The following SAFB variants were observed in gnomAD, a reference collection of about 807,000 sequenced individuals.
The protein encoded by SAFB is scaffold attachment factor B, also known as scaffold attachment factor B1.
A neutral mutation model predicts 101.6 loss-of-function variants in SAFB; 15 were observed. That is an observed-to-expected ratio of 0.15 (90% CI 0.10 to 0.23). The LOEUF (loss-of-function observed/expected upper bound fraction) is 0.23. Among genes scored for constraint, SAFB ranks in the 10% least tolerant of loss-of-function variants. The pLI, the probability that SAFB is intolerant of heterozygous loss-of-function variation, is 1.00. For synonymous variants in SAFB, 449 were observed against 407.5 expected, an observed-to-expected ratio of 1.10 and a Z score of -1.23; for missense variants, 930 against 1,104.1, an observed-to-expected ratio of 0.84 and a Z score of 2.23.
At chr19:5,645,275 T>A in intron 4 of SAFB, 62 bp from the exon 5 acceptor site, 1 of 757,824 alleles carries the variant, frequency 1.3e-6, no homozygotes, top group Non-Finnish European at 2.4e-6. Flanking sequence ...ATTGTACAGA[T>A]GTACCATTAT....
chr19:5,648,784 G>C (rs965646633), intron 6 of SAFB: 1 of 698,638 alleles, frequency 1.4e-6, no homozygotes, highest in East Asian at 2.8e-5. Flanking sequence ...TTTCTCTTCC[G>C]TGTAGCGTAG....
At chr19:5,635,842 A>G (rs60156883) in intron 2 of SAFB, among the ~76,000 whole-genome samples, 8,372 of 152,112 alleles carry the variant, frequency 0.055, 483 homozygotes, top group African/African-American at 0.14. Flanking sequence ...AGAAGGATTC[A>G]AGGGGCACAT....
chr19:5,661,445 TCTTA>T (rs760831141), intron 14 of SAFB, 69 bp from the exon 15 acceptor site: 7 of 1,581,094 alleles, frequency 4.4e-6, no homozygotes, highest in East Asian at 4.5e-5. Context: ...CGACCCAGCG[TCTTA>T]CTTAAAGTCA....
chr19:5,624,025 G>A lies in SAFB; in HGVS notation c.189+631G>A, dbSNP rs1289666859. 3 of 152,256 alleles carry A rather than the reference G, an allele frequency of 2.0e-5. No homozygotes were observed. The East Asian group carries it at 5.8e-4, about 29-fold the overall frequency. 9.4% of individuals were successfully genotyped at this position (152,256 alleles called of 1,614,324 possible). A position where few individuals can be genotyped will look rare whatever the true frequency, so the allele number is the denominator to read the frequency against. On this transcript the variant is annotated intron_variant, in intron 1 of 20. Transcript: ENST00000588852. ...GGCAGGAAGGAAAAGTGGTGTTGAC[G>A]GTAGTGATCAGAAATGTGAAATGAG... is the stretch of plus-strand genomic sequence containing the variant.
intron 13 of SAFB, among the ~76,000 whole-genome samples, chr19:5,654,669 C>T (rs183836017): frequency 3.0e-4 from 45 of 152,302 alleles, no homozygotes; most frequent in African/African-American, 8.7e-4. Context: ...CTCCAACCTC[C>T]GCCTCCCAGG....
Position 5,664,150 on chromosome 19 carries a change from CGGT to C in SAFB, c.2285_2287del (p.Val762del). On this transcript the variant is annotated inframe_deletion, in exon 16 of 21. Coordinates refer to ENST00000588852, the MANE Select transcript of SAFB (RefSeq NM_001201338.2). ...GACCGCGGCCGCTACCCCGACCACT[CGGT>C]GGACAGGTCAGTTGGGCCCCTGCTG... The C allele has an allele frequency of 6.2e-7, 1 of 1,613,766 alleles. No homozygotes were observed. The highest frequency in any genetic ancestry group is 8.5e-7 in the Non-Finnish European group (1 of 1,179,954).
At position 5,641,876 on chromosome 19, in the gene SAFB, C is replaced by G; in HGVS notation, c.476C>G (p.Ser159Cys). The change falls in exon 4 of 21, where the codon TCC becomes TGC. Residue 159 changes from serine to cysteine, a missense_variant. Ser to Cys is a moderately radical substitution (Grantham distance 112). Around this residue, in one of 7 missense-constraint regions of SAFB, gnomAD observed 130 missense variants for 114.2 expected, o/e 1.14. Coordinates refer to ENST00000588852, the MANE Select transcript of SAFB (RefSeq NM_001201338.2). ...GATGATGCTGATAACCTCCAGGAGTCCCTGTCGGATAGTAGAGAGCTAGTC... is the reference window on the plus strand; with the variant it reads ...GATGATGCTGATAACCTCCAGGAGTGCCTGTCGGATAGTAGAGAGCTAGTC... Reference protein sequence around the residue: ...EDDDADNLQESLSDSRELVEG... With the variant: ...EDDDADNLQECLSDSRELVEG... The G allele has an allele frequency of 6.2e-7, 1 of 1,614,116 alleles. No homozygotes were observed. Among genetic ancestry groups the G allele is most frequent in the South Asian group, 1.1e-5 (1 of 91,074 alleles).
At position 5,633,508 on chromosome 19, in the gene SAFB, G is replaced by A. The variant is rs565419830; in HGVS notation, c.274+7019G>A. 3.3e-5 allele frequency among the ~76,000 whole-genome samples: 5 copies of A among 152,246 alleles called. No individual in the cohort carries two copies. In the East Asian group the frequency reaches 5.8e-4, roughly 18 times the overall value. On this transcript the variant is annotated intron_variant, in intron 2 of 20. Coordinates refer to ENST00000588852, the MANE Select transcript of SAFB (RefSeq NM_001201338.2). ...GAAACCAGGGTCTGCAGCCAGGCGCGGTGGCTCACGCCTGTAATCCCAGCA... is the reference window on the plus strand; with the variant it reads ...GAAACCAGGGTCTGCAGCCAGGCGCAGTGGCTCACGCCTGTAATCCCAGCA...
intron 14 of SAFB, among the ~76,000 whole-genome samples, chr19:5,658,224 C>T (rs920766892): frequency 6.8e-4 from 104 of 152,260 alleles, no homozygotes; most frequent in African/African-American, 2.5e-3. Context: ...TTTCAAACTC[C>T]TGACCTCAAG....
intron 12 of SAFB, 81 bp downstream of exon 12, chr19:5,654,281 A>G: frequency 2.5e-6 from 4 of 1,596,678 alleles, no homozygotes; most frequent in Non-Finnish European, 2.6e-6. Context: ...ATTAGCTGGC[A>G]ACGGAAACTG....
chr19:5,654,501 G>T, intron 13 of SAFB, 45 bp downstream of exon 13: 1 of 1,162,544 alleles, frequency 8.6e-7, no homozygotes, highest in Non-Finnish European at 1.3e-6. Flanking sequence ...CTTCTTTTCA[G>T]TTTGTATTTC....
At chr19:5,640,390 G>A (rs943314995) in intron 2 of SAFB, among the ~76,000 whole-genome samples, 1 of 107,282 alleles carries the variant, frequency 9.3e-6, no homozygotes, top group African/African-American at 3.9e-5. Context: ...TTCTGGAGAT[G>A]GAGTCTCGCT....
rs1455746901 is a variant in SAFB at position 5,649,159 on chromosome 19, G to A, written c.808G>A (p.Asp270Asn). The stretch of plus-strand genomic sequence containing the variant: ...TGACAGCGCCCATCCGGAAGAGGGT[G>A]ATTTAGATTTGGCCAGCGAGTCAAC... ...LFDSAHPEEG[D>N]LDLASESTAH... Residue 270 changes from aspartate (D) to asparagine (N), a missense_variant, in exon 7 of 21, where the codon GAT (aspartate) becomes AAT (asparagine). By Grantham distance (23) the Asp-to-Asn change is conservative. Coordinates refer to ENST00000588852, the MANE Select transcript of SAFB (RefSeq NM_001201338.2). 2.6e-6 allele frequency: 1 copy of A among 386,410 alleles called. No individual in the cohort carries two copies. Among genetic ancestry groups the A allele is most frequent in the Non-Finnish European group, 4.3e-6 (1 of 230,830 alleles). The allele number at this position is 386,410 out of a possible 1,614,324, so 23.9% of individuals were successfully genotyped here.
At chr19:5,643,324 C>T (rs2053761828) in intron 4 of SAFB, among the ~76,000 whole-genome samples, 1 of 152,132 alleles carries the variant, frequency 6.6e-6, no homozygotes, top group Non-Finnish European at 1.5e-5. Flanking sequence ...TCTTGGTGGA[C>T]AGAAACCTTG....
In SAFB at chr19:5,668,217, G is replaced by A. The variant is rs776565731; in HGVS notation, c.2680G>A (p.Gly894Ser). The change falls in exon 21 of 21, where the codon GGC becomes AGC. Residue 894 changes from glycine (G) to serine (S), a missense_variant. Transcript: ENST00000588852. Reference sequence around the variant, plus strand: ...CCGGGGCCACCCCATCCCACACGGTGGCATGCAGGGCGGGTTTGGAGGCCA... The same window carrying A: ...CCGGGGCCACCCCATCCCACACGGTAGCATGCAGGGCGGGTTTGGAGGCCA... ...ASRGHPIPHG[G>S]MQGGFGGQSR... is the part of the protein sequence containing the mutation. The A allele has an allele frequency of 1.2e-6, 2 of 1,609,504 alleles. No homozygotes were observed. Among genetic ancestry groups the A allele is most frequent in the Admixed American group, 3.4e-5 (2 of 58,612 alleles).
At chr19:5,633,778 C>CA (rs555460053) in intron 2 of SAFB, among the ~76,000 whole-genome samples, 388 of 120,636 alleles carry the variant, frequency 3.2e-3, no homozygotes, top group Admixed American at 6.4e-3. Context: ...GACTCCGTCT[C>CA]AAAAAAAAAA....
At chr19:5,654,566 G>A (rs577791122) in intron 13 of SAFB, 110 bp downstream of exon 13, 17 of 777,424 alleles carry the variant, frequency 2.2e-5, no homozygotes, top group Non-Finnish European at 2.9e-5. Flanking sequence ...TTTGTCGGCC[G>A]TTTCGAAAAT....
chr19:5,656,477 T>C (rs1236843639), intron 13 of SAFB, among the ~76,000 whole-genome samples: 1 of 151,864 alleles, frequency 6.6e-6, no homozygotes, highest in Non-Finnish European at 1.5e-5. Flanking sequence ...GATTTCTCCA[T>C]GTTGGTCAGG....
Position 5,649,209 on chromosome 19 carries a change from A to G in SAFB, c.858A>G (p.Ala286=). Residue 286 remains alanine, a synonymous_variant, in exon 7 of 21, where the codon GCA becomes GCG. Transcript: ENST00000588852. ...CAGCACACGCTCAGTCGAGCAAGGC[A>G]GACAGCCTGTTAGCGGTAGTGAAAA... ...ESTAHAQSSK[A]DSLLAVVKRE... 1 of 357,514 alleles carries G rather than the reference A, an allele frequency of 2.8e-6. No homozygotes were observed. 22.1% of individuals were successfully genotyped at this position (357,514 alleles called of 1,614,324 possible).
Sources: gnomAD v4.1 joint callset for allele counts (sites outside exome capture counted in the v4.1 genomes callset) on GRCh38, gnomAD v4.1.1 for gene constraint, gnomAD v4.1.1 regional missense constraint, MANE v1.5 for transcripts, NCBI Gene and HGNC (gene_info 2026-07-23, HGNC 2026-07-21) for gene names.